RANBP17: variants seen among roughly 807,000 people sequenced by gnomAD.
The protein encoded by RANBP17 is ran-binding protein 17.
A neutral mutation model predicts 141.2 loss-of-function variants in RANBP17; 158 were observed. The ratio of observed to expected loss-of-function variants is 1.12; its 90% CI spans 0.98 to 1.28. RANBP17 has a LOEUF of 1.28. Ranked by LOEUF, RANBP17 falls within the 50% of genes most tolerant of loss-of-function variation. The probability of loss-of-function intolerance (pLI) is 0.00; values close to 1 mark genes in which losing one functional copy is unlikely to be tolerated. For synonymous variants in RANBP17, 430 were observed against 450.0 expected (o/e 0.96, Z 0.56); for missense variants, 1,438 against 1,290.7 (o/e 1.11, Z -1.75).
intron 12 of RANBP17, among the ~76,000 whole-genome samples, chr5:170,947,920 A>G (rs918043292): frequency 3.9e-5 from 6 of 152,184 alleles, no homozygotes; most frequent in African/African-American, 1.4e-4. Context: ...CACTTTCACC[A>G]AATTCTATTG....
intron 25 of RANBP17, among the ~76,000 whole-genome samples, chr5:171,277,716 A>G (rs1581171122): frequency 1.5e-5 from 2 of 131,008 alleles, no homozygotes; most frequent in East Asian, 4.7e-4. Flanking sequence ...CCATTTTGTA[A>G]TCAAAATATT....
chr5:170,870,634 G>A (rs1442827653), intron 1 of RANBP17, among the ~76,000 whole-genome samples: 1 of 152,068 alleles, frequency 6.6e-6, no homozygotes, highest in African/African-American at 2.4e-5. Flanking sequence ...TGGGCATTTG[G>A]GTTGTTTTCA....
chr5:171,012,242 CA>C (rs947015883), intron 14 of RANBP17, among the ~76,000 whole-genome samples: 1 of 151,942 alleles, frequency 6.6e-6, no homozygotes, highest in African/African-American at 2.4e-5. Context: ...GAGCAAAAGG[CA>C]AAATGACGGA....
intron 14 of RANBP17, among the ~76,000 whole-genome samples, chr5:171,112,904 T>C (rs1292560701): frequency 2.0e-5 from 3 of 152,140 alleles, no homozygotes; most frequent in Non-Finnish European, 2.9e-5. Flanking sequence ...TCCAGGGCCT[T>C]CTTGGCTTTG....
At chr5:170,951,328 A>G (rs543405492) in intron 12 of RANBP17, among the ~76,000 whole-genome samples, 44 of 152,272 alleles carry the variant, frequency 2.9e-4, no homozygotes, top group African/African-American at 1.1e-3. Context: ...AAAGTATCAC[A>G]TGTACCCCAC....
At chr5:170,955,732 C>A in intron 13 of RANBP17, among the ~76,000 whole-genome samples, 2 of 128,752 alleles carry the variant, frequency 1.6e-5, no homozygotes, top group South Asian at 2.5e-4. Flanking sequence ...TTATTTCAAT[C>A]TACATAAAGA....
At chr5:171,019,031 T>G (rs561301673) in intron 14 of RANBP17, among the ~76,000 whole-genome samples, 156 of 152,192 alleles carry the variant, frequency 1.0e-3, no homozygotes, top group Non-Finnish European at 1.4e-3. Flanking sequence ...GTTTTTGTCT[T>G]TGTTTCTGTT....
At chr5:171,124,852 GTCA>G (rs1756313432) in intron 14 of RANBP17, among the ~76,000 whole-genome samples, 1 of 152,174 alleles carries the variant, frequency 6.6e-6, no homozygotes, top group Non-Finnish European at 1.5e-5. Flanking sequence ...GCAGGAGGAA[GTCA>G]TCACCTGTCA....
intron 19 of RANBP17, among the ~76,000 whole-genome samples, chr5:171,203,663 A>C (rs1397482011): frequency 6.6e-6 from 1 of 152,142 alleles, no homozygotes. Flanking sequence ...TCGTTTAAGG[A>C]ATGAAAAAAT....
intron 24 of RANBP17, among the ~76,000 whole-genome samples, chr5:171,253,514 T>G (rs1275789964): frequency 6.6e-6 from 1 of 152,234 alleles, no homozygotes; most frequent in Non-Finnish European, 1.5e-5. Context: ...GATAATCCAG[T>G]GTCAGGAAGA....
intron 18 of RANBP17, among the ~76,000 whole-genome samples, chr5:171,195,824 A>C (rs1005790338): frequency 1.3e-5 from 2 of 152,224 alleles, no homozygotes; most frequent in Non-Finnish European, 2.9e-5. Context: ...TAAAATGAAG[A>C]AAATCGTACA....
At chr5:171,167,572 T>C (rs1236862135) in intron 14 of RANBP17, among the ~76,000 whole-genome samples, 1 of 152,204 alleles carries the variant, frequency 6.6e-6, no homozygotes, top group Non-Finnish European at 1.5e-5. Context: ...TGATCCTGTG[T>C]ACCATCAAAG....
chr5:171,129,163 G>C (rs779670), intron 14 of RANBP17, among the ~76,000 whole-genome samples: 90,757 of 151,972 alleles, frequency 0.6, 28,885 homozygotes, highest in South Asian at 0.86. Flanking sequence ...AAGGGAAAGA[G>C]GGAAGAATGG....
chr5:170,903,812 A>C, intron 5 of RANBP17: 1 of 419,546 alleles, frequency 2.4e-6, no homozygotes, highest in Non-Finnish European at 4.7e-6. Flanking sequence ...CCTTTGTTGC[A>C]GTCAACAACA....
intron 14 of RANBP17, among the ~76,000 whole-genome samples, chr5:171,054,387 G>A (rs1376161840): frequency 6.6e-6 from 1 of 152,120 alleles, no homozygotes; most frequent in African/African-American, 2.4e-5. Context: ...TCTGGAAAAG[G>A]GGTGGGCAGT....
intron 14 of RANBP17, among the ~76,000 whole-genome samples, chr5:171,090,271 C>T (rs200608389): frequency 1.1e-4 from 17 of 152,232 alleles, no homozygotes; most frequent in African/African-American, 4.1e-4. Context: ...GGAACTGGAG[C>T]AAAGGTGACT....
chr5:170,982,395 G>A (rs1581310215), intron 14 of RANBP17, among the ~76,000 whole-genome samples: 3 of 152,030 alleles, frequency 2.0e-5, no homozygotes, highest in South Asian at 2.1e-4. Flanking sequence ...AACCTCATAT[G>A]AAAACCAAAG....
rs563397077 is a variant in RANBP17, at chr5:171,063,823, G to A, written c.1710+95446G>A. On this transcript the variant is annotated intron_variant, in intron 14 of 27. Coordinates refer to ENST00000523189, the MANE Select transcript of RANBP17 (RefSeq NM_022897.5). Reference sequence around the variant, plus strand: ...AGCTGTGGTGGGCTCCACCCAGTTCGAGCTTCCCGGCTGCTTTGTTTACCT... The same window carrying A: ...AGCTGTGGTGGGCTCCACCCAGTTCAAGCTTCCCGGCTGCTTTGTTTACCT... Among the ~76,000 whole-genome samples, 7 of 152,276 alleles carry A rather than the reference G, an allele frequency of 4.6e-5. No homozygotes were observed. The East Asian group carries it at 7.7e-4, about 17-fold the overall frequency.
chr5:171,042,924 TATAAA>T (rs1782342493), intron 14 of RANBP17, among the ~76,000 whole-genome samples: 1 of 152,116 alleles, frequency 6.6e-6, no homozygotes, highest in Non-Finnish European at 1.5e-5. Flanking sequence ...TCTTCTAAAA[TATAAA>T]GTAATTTGAT....
Sources: gnomAD v4.1 joint callset for allele counts (sites outside exome capture counted in the v4.1 genomes callset) on GRCh38, gnomAD v4.1.1 for gene constraint, MANE v1.5 for transcripts, NCBI Gene and HGNC (gene_info 2026-07-23, HGNC 2026-07-21) for gene names.